Variants in SLC2A9 observed in about 807,000 individuals in gnomAD.
The protein encoded by SLC2A9 is solute carrier family 2 member 9.
In SLC2A9, 39 loss-of-function variants were observed where a neutral mutation model predicts 50.6. That is an observed-to-expected ratio of 0.77 (90% confidence interval 0.60 to 1.01). The LOEUF (loss-of-function observed/expected upper bound fraction) is 1.01, where lower values mean the gene tolerates loss of function less well. Ranked by LOEUF, SLC2A9 falls within the 50% of genes least tolerant of loss-of-function variation. The pLI is 0.00. For missense variants in SLC2A9, 686 were observed against 677.6 expected, an observed-to-expected ratio of 1.01 and a Z score of -0.14; for synonymous variants, 324 against 276.9, an observed-to-expected ratio of 1.17 and a Z score of -1.69.
chr4:9,935,564 A>G (rs753356621), intron 6 of SLC2A9, among the ~76,000 whole-genome samples: 1 of 152,218 alleles, frequency 6.6e-6, no homozygotes, highest in Non-Finnish European at 1.5e-5. Flanking sequence ...CACAGCCCAG[A>G]GAGGTGTTGT....
intron 8 of SLC2A9, among the ~76,000 whole-genome samples, chr4:9,895,680 A>C (rs768695276): frequency 2.4e-4 from 37 of 152,228 alleles, no homozygotes; most frequent in Non-Finnish European, 3.8e-4. Flanking sequence ...GGATTTTAAG[A>C]AGCAGCTTTA....
At chr4:10,016,665 CCTT>C (rs1268271669) in intron 2 of SLC2A9, among the ~76,000 whole-genome samples, 3 of 152,074 alleles carry the variant, frequency 2.0e-5, no homozygotes, top group African/African-American at 4.8e-5. Flanking sequence ...CCCCTCCTGT[CCTT>C]CTCACTGACA....
At chr4:9,782,669 G>A in intron 3 of SLC2A9, 2 of 1,614,016 alleles carry the variant, frequency 1.2e-6, no homozygotes, top group Non-Finnish European at 1.7e-6. Flanking sequence ...CGACGTGAAT[G>A]CAGAGAACTG....
At chr4:9,994,903 T>C (rs1040853760) in intron 3 of SLC2A9, among the ~76,000 whole-genome samples, 1 of 152,124 alleles carries the variant, frequency 6.6e-6, no homozygotes, top group Admixed American at 6.5e-5. Context: ...AAGAGGACCA[T>C]GGGCAGGGTC....
At chr4:9,903,412 C>A (rs1740031380) in intron 8 of SLC2A9, among the ~76,000 whole-genome samples, 1 of 152,220 alleles carries the variant, frequency 6.6e-6, no homozygotes, top group East Asian at 1.9e-4. Flanking sequence ...GCCCTCACCC[C>A]ACAAAGCTCC....
intron 10 of SLC2A9, among the ~76,000 whole-genome samples, chr4:9,852,338 C>T (rs372151266): frequency 5.3e-5 from 8 of 151,900 alleles, no homozygotes; most frequent in South Asian, 2.1e-4. Flanking sequence ...CTGCAAGCTC[C>T]GCTTCCCGGG....
intron 4 of SLC2A9, among the ~76,000 whole-genome samples, chr4:9,985,019 G>A (rs1756477292): frequency 6.6e-6 from 1 of 152,098 alleles, no homozygotes; most frequent in Non-Finnish European, 1.5e-5. Flanking sequence ...TCTTCTCTCT[G>A]CTGGGAACAG....
At chr4:9,918,737 C>G (rs1577886580) in intron 7 of SLC2A9, among the ~76,000 whole-genome samples, 1 of 152,142 alleles carries the variant, frequency 6.6e-6, no homozygotes, top group East Asian at 1.9e-4. Flanking sequence ...TTTCTCACTG[C>G]AGGTTTGTGT....
intron 5 of SLC2A9, among the ~76,000 whole-genome samples, chr4:9,943,031 C>T (rs899523591): frequency 2.0e-5 from 3 of 152,198 alleles, no homozygotes; most frequent in African/African-American, 7.2e-5. Flanking sequence ...GGAAGTTACC[C>T]TCAGGATCCT....
chr4:10,012,929 C>T (rs1410260745), intron 2 of SLC2A9, among the ~76,000 whole-genome samples: 2 of 152,092 alleles, frequency 1.3e-5, no homozygotes, highest in African/African-American at 2.4e-5. Flanking sequence ...GGGTTTTGAG[C>T]GGAGGGACAA....
intron 11 of SLC2A9, among the ~76,000 whole-genome samples, chr4:9,828,526 T>C (rs758252752): frequency 6.0e-4 from 92 of 152,206 alleles, no homozygotes; most frequent in Non-Finnish European, 1.1e-3. Flanking sequence ...GTCCCTCTTA[T>C]TTCTCTGATC....
At chr4:9,984,591 C>G (rs1756403564) in intron 4 of SLC2A9, among the ~76,000 whole-genome samples, 1 of 152,158 alleles carries the variant, frequency 6.6e-6, no homozygotes, top group South Asian at 2.1e-4. Flanking sequence ...ATTTCTAATC[C>G]TAAGGCTTGC....
At chr4:9,998,164 A>G (rs931523579) in intron 2 of SLC2A9, among the ~76,000 whole-genome samples, 12 of 152,202 alleles carry the variant, frequency 7.9e-5, no homozygotes, top group Non-Finnish European at 1.6e-4. Flanking sequence ...TCTGATGTAC[A>G]CCAAAGACTG....
chr4:9,851,133 G>C (rs6812563), intron 10 of SLC2A9, among the ~76,000 whole-genome samples: 33,813 of 152,202 alleles, frequency 0.22, 3,881 homozygotes, highest in Admixed American at 0.28. Flanking sequence ...GAGCGAGCAT[G>C]GATCCCACTG....
chr4:9,912,671 G>A (rs574219243), intron 7 of SLC2A9, among the ~76,000 whole-genome samples: 126 of 152,202 alleles, frequency 8.3e-4, no homozygotes, highest in Non-Finnish European at 1.6e-3. Context: ...AGAACAAGGT[G>A]ATACTGACAA....
At chr4:10,000,925 T>A (rs1171759190) in intron 2 of SLC2A9, among the ~76,000 whole-genome samples, 2 of 152,140 alleles carry the variant, frequency 1.3e-5, no homozygotes, top group African/African-American at 4.8e-5. Flanking sequence ...CCTCAACTAA[T>A]CCACCCTCAC....
At chr4:9,868,024 A>T (rs562811132) in intron 10 of SLC2A9, among the ~76,000 whole-genome samples, 30 of 152,122 alleles carry the variant, frequency 2.0e-4, no homozygotes, top group Admixed American at 1.6e-3. Flanking sequence ...GCCCATGCTG[A>T]CTTCTCCACC....
rs1411138617 is a variant in SLC2A9, at chr4:9,890,630, T to A, written c.1195A>T (p.Thr399Ser). 1 of 1,613,928 alleles carries A rather than the reference T, an allele frequency of 6.2e-7. No individual in the cohort carries two copies. Among genetic ancestry groups the A allele is most frequent in the Non-Finnish European group, 8.5e-7 (1 of 1,180,006 alleles). The change falls in exon 9 of 12, where the codon ACC becomes TCC. Residue 399 changes from threonine (T) to serine (S), a missense_variant. Physicochemically the swap from Thr to Ser is moderately conservative, Grantham distance 58 (BLOSUM62 1). Coordinates refer to ENST00000264784, the MANE Select transcript of SLC2A9 (RefSeq NM_020041.3). ...GLMGLFFGTLTITLTLQDHAP... is the reference protein window; with the variant it reads ...GLMGLFFGTLSITLTLQDHAP... ...CTCACCTGCAGGGTCAGCGTGATGG[T>A]GAGGGTCCCAAAGAAGAGGCCCATG... is the stretch of plus-strand genomic sequence containing the variant.
intron 2 of SLC2A9, among the ~76,000 whole-genome samples, chr4:10,013,864 G>A (rs1042731553): frequency 2.0e-5 from 3 of 152,126 alleles, no homozygotes; most frequent in East Asian, 1.9e-4. Context: ...TGGCTGGGCC[G>A]AGGACTTACA....
Sources: gnomAD v4.1 joint callset for allele counts (sites outside exome capture counted in the v4.1 genomes callset) on GRCh38, gnomAD v4.1.1 for gene constraint, MANE v1.5 for transcripts, NCBI Gene and HGNC (gene_info 2026-07-23, HGNC 2026-07-21) for gene names.